The following MYCBP2 variants were observed in gnomAD, a reference collection of about 807,000 sequenced individuals.
The protein encoded by MYCBP2 is E3 ubiquitin-protein ligase MYCBP2.
A neutral mutation model predicts 525.3 loss-of-function variants in MYCBP2; 120 were observed. The observed-to-expected ratio is 0.23, with a 90% CI of 0.20 to 0.27. The LOEUF (loss-of-function observed/expected upper bound fraction) is 0.27, where lower values mean the gene tolerates loss of function less well. Ranked by LOEUF, MYCBP2 falls within the 10% of genes least tolerant of loss-of-function variation. The pLI is 1.00. For missense variants in MYCBP2, 4,149 were observed against 5,657.1 expected, an observed-to-expected ratio of 0.73 and a Z score of 8.55; for synonymous variants, 1,894 against 1,955.8, an observed-to-expected ratio of 0.97 and a Z score of 0.83.
intron 14 of MYCBP2, among the ~76,000 whole-genome samples, chr13:77,253,936 T>G (rs748384912): frequency 6.6e-6 from 1 of 151,928 alleles, no homozygotes; most frequent in Non-Finnish European, 1.5e-5. Flanking sequence ...CAGGAAACAT[T>G]TATAAAGGAG....
intron 1 of MYCBP2, among the ~76,000 whole-genome samples, chr13:77,320,881 C>T (rs1226862273): frequency 6.6e-6 from 1 of 152,082 alleles, no homozygotes; most frequent in Admixed American, 6.5e-5. Context: ...GGGGGCCCTG[C>T]CCTTAAGGAG....
rs551248604 is a variant in MYCBP2, at chr13:77,195,590, T to C, written c.3844-1346A>G. ...CCAGTGTGGGCTACCAAAGAGACTC[T>C]TAAAAAAAAATAGTCCGAAATAATC... On this transcript the variant is annotated intron_variant, in intron 26 of 82. Coordinates refer to ENST00000544440, the MANE Select transcript of MYCBP2 (RefSeq NM_015057.5). Among the ~76,000 whole-genome samples, 4 of 111,212 alleles carry C rather than the reference T, an allele frequency of 3.6e-5. No individual in the cohort carries two copies. In the Admixed American group the frequency reaches 3.7e-4, roughly 10 times the overall value. 73.0% of individuals were successfully genotyped at this position (111,212 alleles called of 152,430 possible).
chr13:77,150,828 AT>A lies in MYCBP2; in HGVS notation c.7036del (p.Met2346Ter). On this transcript the variant is annotated frameshift_variant, in exon 47 of 83. Transcript: ENST00000544440. LOFTEE classifies it high-confidence loss of function. ...TGGTGATGCCAGCCCTCCATAAGTC[AT>A]GTCAGTATTAGAAGATGCAGCTGTT... ...AVTAASSNTD[M>X]TYGGLASPKL... 1 of 1,614,156 alleles carries A rather than the reference AT, an allele frequency of 6.2e-7. No individual in the cohort carries two copies. Among genetic ancestry groups the A allele is most frequent in the Non-Finnish European group, 8.5e-7 (1 of 1,179,998 alleles).
chr13:77,288,249 G>A lies in MYCBP2; in HGVS notation c.506C>T (p.Ala169Val). The A allele has an allele frequency of 1.9e-6, 3 of 1,614,148 alleles. No homozygotes were observed. Among genetic ancestry groups the A allele is most frequent in the Non-Finnish European group, 2.5e-6 (3 of 1,180,030 alleles). The change falls in exon 3 of 83, where the codon GCA becomes GTA. Residue 169 changes from alanine (A) to valine (V), a missense_variant. Transcript: ENST00000544440. ...CTGCACAGAGTTCTTAGATGCGGCTGCCAATGATATTTCCTTTTTCTGCCA... is the reference window on the plus strand; with the variant it reads ...CTGCACAGAGTTCTTAGATGCGGCTACCAATGATATTTCCTTTTTCTGCCA... Reference protein sequence around the residue: ...LEWQKKEISLAAASKNSVQSG... With the variant: ...LEWQKKEISLVAASKNSVQSG...
chr13:77,166,265 C>T, intron 41 of MYCBP2, 64 bp downstream of exon 41: 7 of 1,111,494 alleles, frequency 6.3e-6, no homozygotes, highest in East Asian at 2.5e-5. Context: ...AATGATACAC[C>T]CTTACTAAAT....
chr13:77,252,754 T>TA (rs1233766468), intron 14 of MYCBP2, among the ~76,000 whole-genome samples: 3 of 152,068 alleles, frequency 2.0e-5, no homozygotes, highest in Non-Finnish European at 4.4e-5. Flanking sequence ...GCAGAAAAAT[T>TA]AGATAACCAA....
intron 23 of MYCBP2, among the ~76,000 whole-genome samples, chr13:77,210,915 C>A (rs1418953815): frequency 6.6e-6 from 1 of 152,156 alleles, no homozygotes; most frequent in Non-Finnish European, 1.5e-5. Flanking sequence ...GTCAAAGTAA[C>A]TTCTCCAGGG....
intron 66 of MYCBP2, 88 bp from the exon 67 acceptor site, chr13:77,077,475 A>C: frequency 6.0e-6 from 9 of 1,491,370 alleles, no homozygotes; most frequent in Non-Finnish European, 8.2e-6. Flanking sequence ...CAGCAAGCTC[A>C]AATAACAAAG....
chr13:77,122,751 T>C (rs1308550317), intron 54 of MYCBP2, among the ~76,000 whole-genome samples: 1 of 149,246 alleles, frequency 6.7e-6, no homozygotes, highest in Non-Finnish European at 1.5e-5. Flanking sequence ...ACAGACAGGG[T>C]GTGGTAGAGT....
At chr13:77,291,987 C>G (rs1467678275) in intron 2 of MYCBP2, among the ~76,000 whole-genome samples, 1 of 152,162 alleles carries the variant, frequency 6.6e-6, no homozygotes, top group Non-Finnish European at 1.5e-5. Flanking sequence ...TGCCTCCTGG[C>G]CTGTCAGACT....
chr13:77,313,177 T>C (rs1476043997), intron 1 of MYCBP2, among the ~76,000 whole-genome samples: 5 of 152,062 alleles, frequency 3.3e-5, no homozygotes, highest in Non-Finnish European at 7.4e-5. Context: ...ATGACAAATA[T>C]ATAGCAGTCA....
chr13:77,189,062 C>T lies in MYCBP2; in HGVS notation c.4155-15G>A, dbSNP rs369562463. 12 of 1,563,232 alleles carry T rather than the reference C, an allele frequency of 7.7e-6. No homozygotes were observed. Among genetic ancestry groups the T allele is most frequent in the Non-Finnish European group, 1.0e-5 (12 of 1,151,844 alleles). On this transcript the variant is annotated splice_polypyrimidine_tract_variant and intron_variant, in intron 29 of 82. Transcript: ENST00000544440. ...TGGTTGGAAGTCTAAAGGCAGTAGACACATATAAAATTATGTTAGAAAGTC... is the reference window on the plus strand; with the variant it reads ...TGGTTGGAAGTCTAAAGGCAGTAGATACATATAAAATTATGTTAGAAAGTC...
intron 15 of MYCBP2, among the ~76,000 whole-genome samples, chr13:77,245,054 G>A (rs2069609447): frequency 6.6e-6 from 1 of 152,178 alleles, no homozygotes; most frequent in Non-Finnish European, 1.5e-5. Context: ...ACCACAATGA[G>A]AAAACATGTC....
At chr13:77,216,297 G>C (rs1468132424) in intron 21 of MYCBP2, among the ~76,000 whole-genome samples, 1 of 152,126 alleles carries the variant, frequency 6.6e-6, no homozygotes, top group Non-Finnish European at 1.5e-5. Context: ...CTCTTGCTTA[G>C]AGTAAAAGGC....
intron 44 of MYCBP2, among the ~76,000 whole-genome samples, chr13:77,161,643 G>A (rs1045398333): frequency 2.0e-5 from 3 of 152,100 alleles, no homozygotes; most frequent in African/African-American, 4.8e-5. Context: ...GCCATCCTCC[G>A]CACCCTTGGC....
intron 18 of MYCBP2, among the ~76,000 whole-genome samples, chr13:77,231,642 A>C (rs1451841512): frequency 6.6e-6 from 1 of 152,228 alleles, no homozygotes; most frequent in African/African-American, 2.4e-5. Context: ...TCATTTAAAA[A>C]TCTGGAAAGG....
intron 15 of MYCBP2, among the ~76,000 whole-genome samples, chr13:77,246,532 G>C (rs1260276556): frequency 6.7e-6 from 1 of 150,296 alleles, no homozygotes; most frequent in African/African-American, 2.5e-5. Context: ...AGGAGGAAAA[G>C]AAGGAGAAGG....
chr13:77,318,549 T>C (rs372501299), intron 1 of MYCBP2, among the ~76,000 whole-genome samples: 82 of 151,900 alleles, frequency 5.4e-4, no homozygotes, highest in African/African-American at 1.9e-3. Flanking sequence ...AGGTGAGGAG[T>C]TCGAGACCAG....
chr13:77,205,224 C>A, intron 26 of MYCBP2, 32 bp downstream of exon 26: 1 of 1,483,452 alleles, frequency 6.7e-7, no homozygotes. Context: ...TATGTTCAAA[C>A]AAAAAAGGAC....
Sources: gnomAD v4.1 joint callset for allele counts (sites outside exome capture counted in the v4.1 genomes callset) on GRCh38, gnomAD v4.1.1 for gene constraint, MANE v1.5 for transcripts, NCBI Gene and HGNC (gene_info 2026-07-23, HGNC 2026-07-21) for gene names.